Variants in MYO5B observed in about 807,000 individuals in gnomAD.
MYO5B encodes unconventional myosin-Vb.
Under a neutral mutation model 229.3 loss-of-function variants are expected in MYO5B, and 143 were observed. The observed-to-expected ratio is 0.62, with a 90% CI of 0.54 to 0.72. MYO5B has a LOEUF of 0.72. Among genes scored for constraint, MYO5B ranks in the 30% least tolerant of loss-of-function variants. The pLI is 0.00. For missense variants in MYO5B, 2,321 were observed against 2,331.0 expected, an observed-to-expected ratio of 1.00 and a Z score of 0.09; for synonymous variants, 918 against 885.2, an observed-to-expected ratio of 1.04 and a Z score of -0.66.
chr18:49,897,344 G>A (rs1346804684), intron 21 of MYO5B, among the ~76,000 whole-genome samples: 2 of 152,206 alleles, frequency 1.3e-5, no homozygotes, highest in East Asian at 3.9e-4. Context: ...AGATATGGAG[G>A]TGGAAGGCAG....
chr18:50,139,288 A>T (rs916859067), intron 1 of MYO5B, among the ~76,000 whole-genome samples: 7 of 152,220 alleles, frequency 4.6e-5, no homozygotes, highest in Non-Finnish European at 7.3e-5. Context: ...TGACTCAGTC[A>T]TGCTACAAAG....
At chr18:50,042,438 C>T (rs2030047487) in intron 2 of MYO5B, among the ~76,000 whole-genome samples, 1 of 152,080 alleles carries the variant, frequency 6.6e-6, no homozygotes, top group Non-Finnish European at 1.5e-5. Context: ...AGACAGTTTC[C>T]TGTTTTTTTC....
chr18:50,182,016 T>G (rs187486141), intron 1 of MYO5B, among the ~76,000 whole-genome samples: 1 of 152,298 alleles, frequency 6.6e-6, no homozygotes, highest in Non-Finnish European at 1.5e-5. Flanking sequence ...AATGAACCGT[T>G]GGATTAGAAG....
At chr18:50,164,556 A>G (rs1320014776) in intron 1 of MYO5B, among the ~76,000 whole-genome samples, 2 of 146,546 alleles carry the variant, frequency 1.4e-5, no homozygotes, top group African/African-American at 5.1e-5. Context: ...CTGGAATTAA[A>G]TCCATTTAAT....
intron 27 of MYO5B, among the ~76,000 whole-genome samples, chr18:49,870,763 A>C (rs962811770): frequency 1.3e-5 from 2 of 152,306 alleles, no homozygotes; most frequent in Admixed American, 1.3e-4. Context: ...TATCAAAAAA[A>C]TAAATAAATA....
chr18:50,002,077 A>T (rs951844971), intron 4 of MYO5B, among the ~76,000 whole-genome samples: 4 of 151,366 alleles, frequency 2.6e-5, no homozygotes, highest in African/African-American at 9.7e-5. Flanking sequence ...ACTTTCAGTT[A>T]TATCATCTCC....
At chr18:49,849,698 C>T in intron 31 of MYO5B, 38 bp from the exon 32 acceptor site, 1 of 1,531,422 alleles carries the variant, frequency 6.5e-7, no homozygotes. Flanking sequence ...CAGACATCAG[C>T]CCGGCCTGGG....
At chr18:49,959,497 A>T (rs1332152024) in intron 12 of MYO5B, among the ~76,000 whole-genome samples, 1 of 152,174 alleles carries the variant, frequency 6.6e-6, no homozygotes, top group African/African-American at 2.4e-5. Context: ...GGGCCAGGTG[A>T]GGAAACAGGG....
intron 8 of MYO5B, among the ~76,000 whole-genome samples, chr18:49,982,023 C>G (rs1309174304): frequency 6.6e-6 from 1 of 152,136 alleles, no homozygotes; most frequent in Non-Finnish European, 1.5e-5. Flanking sequence ...GAGCTGGGTG[C>G]TGGTACCATC....
rs753697245 is a variant in MYO5B at position 49,953,255 on chromosome 18, T to C, written c.1752+5A>G. On this transcript the variant is annotated splice_donor_5th_base_variant and intron_variant, in intron 14 of 39. Transcript: ENST00000285039. ...GCTCCACTCCCCACTTCTGACACTCTTTACCTTGCTGGCCTTCAGGATATT... is the reference window on the plus strand; with the variant it reads ...GCTCCACTCCCCACTTCTGACACTCCTTACCTTGCTGGCCTTCAGGATATT... 3 of 1,613,764 alleles carry C rather than the reference T, an allele frequency of 1.9e-6. No individual in the cohort carries two copies. In the East Asian group the frequency reaches 6.7e-5, roughly 36 times the overall value.
At chr18:50,183,173 C>G (rs1032121384) in intron 1 of MYO5B, among the ~76,000 whole-genome samples, 1 of 151,738 alleles carries the variant, frequency 6.6e-6, no homozygotes, top group Non-Finnish European at 1.5e-5. Context: ...AAATGAATAC[C>G]TGTGAACTCA....
chr18:49,939,978 G>A (rs1278790589), intron 14 of MYO5B, among the ~76,000 whole-genome samples: 1 of 152,182 alleles, frequency 6.6e-6, no homozygotes, highest in East Asian at 1.9e-4. Flanking sequence ...TATGGCTACA[G>A]GTCCCATATA....
intron 1 of MYO5B, among the ~76,000 whole-genome samples, chr18:50,078,838 A>C (rs985437771): frequency 2.6e-5 from 4 of 152,188 alleles, no homozygotes; most frequent in African/African-American, 9.7e-5. Context: ...CTAGAAAAAA[A>C]CCCAATGTTC....
At chr18:49,861,995 GT>G (rs978135894) in intron 29 of MYO5B, among the ~76,000 whole-genome samples, 1,381 of 131,066 alleles carry the variant, frequency 0.011, 5 homozygotes, top group African/African-American at 0.028. Context: ...CCAGCTCCAT[GT>G]TTTTTTTTTT....
chr18:49,891,879 A>T (rs552564896), intron 22 of MYO5B, among the ~76,000 whole-genome samples: 23 of 152,238 alleles, frequency 1.5e-4, no homozygotes, highest in Non-Finnish European at 2.6e-4. Context: ...CAGCCCCACT[A>T]GTCCGAATGT....
intron 1 of MYO5B, among the ~76,000 whole-genome samples, chr18:50,073,285 A>T (rs1281506040): frequency 1.3e-5 from 2 of 152,234 alleles, no homozygotes; most frequent in Non-Finnish European, 2.9e-5. Flanking sequence ...TATCAATTTT[A>T]TCACTCAACA....
At chr18:49,997,267 TAAAAA>T (rs58927375) in intron 5 of MYO5B, among the ~76,000 whole-genome samples, 6 of 101,198 alleles carry the variant, frequency 5.9e-5, no homozygotes, top group African/African-American at 1.8e-4. Context: ...GTCCTGTCTT[TAAAAA>T]AAAAAAAAAA....
At chr18:50,121,273 A>G (rs1790426) in intron 1 of MYO5B, among the ~76,000 whole-genome samples, 93,804 of 152,146 alleles carry the variant, frequency 0.62, 29,073 homozygotes, top group Admixed American at 0.7. Flanking sequence ...GATTATAAGC[A>G]CCTCAAGGCC....
chr18:49,948,171 C>A (rs1182647675), intron 14 of MYO5B, among the ~76,000 whole-genome samples: 1 of 152,204 alleles, frequency 6.6e-6, no homozygotes, highest in African/African-American at 2.4e-5. Flanking sequence ...CTGAAACAGA[C>A]ACATAAAGTT....
Sources: gnomAD v4.1 joint callset for allele counts (sites outside exome capture counted in the v4.1 genomes callset) on GRCh38, gnomAD v4.1.1 for gene constraint, MANE v1.5 for transcripts, NCBI Gene and HGNC (gene_info 2026-07-23, HGNC 2026-07-21) for gene names.